SNTB1: variants seen among roughly 807,000 people sequenced by gnomAD.
SNTB1 encodes the protein syntrophin beta 1, also known as beta-1-syntrophin.
Under a neutral mutation model 48.9 loss-of-function variants are expected in SNTB1, and 36 were observed. The observed-to-expected ratio is 0.74, with a 90% confidence interval of 0.56 to 0.97. The LOEUF (loss-of-function observed/expected upper bound fraction) is 0.97, where lower values mean the gene tolerates loss of function less well. SNTB1 is among the 50% of genes least tolerant of loss of function. The pLI is 0.00. For missense variants in SNTB1, 786 were observed against 703.4 expected (o/e 1.12, Z -1.33); for synonymous variants, 299 against 294.6 (o/e 1.01, Z -0.15).
At chr8:120,668,265 C>T (rs968164428) in intron 2 of SNTB1, among the ~76,000 whole-genome samples, 53 of 152,322 alleles carry the variant, frequency 3.5e-4, no homozygotes, top group African/African-American at 1.3e-3. Flanking sequence ...AGGGGCATCT[C>T]ATTTGTTTCC....
rs530543386 is a variant in SNTB1 at position 120,770,980 on chromosome 8, G to A, written c.571+40293C>T. Reference sequence around the variant, plus strand: ...GAAATAATGATCTCAGAATACTATAGCAAGAAGAGTCGCTTTGGATCATCT... The same window carrying A: ...GAAATAATGATCTCAGAATACTATAACAAGAAGAGTCGCTTTGGATCATCT... On this transcript the variant is annotated intron_variant, in intron 1 of 6. Coordinates refer to ENST00000517992, the MANE Select transcript of SNTB1 (RefSeq NM_021021.4). Among the ~76,000 whole-genome samples, 14 of 152,316 alleles carry A rather than the reference G, an allele frequency of 9.2e-5. 1 individual carries two copies. In the South Asian group the frequency reaches 2.9e-3, roughly 32 times the overall value.
rs773969083 is a variant in SNTB1, at chr8:120,811,780, G to A, written c.64C>T (p.Arg22Trp). The part of the protein sequence containing the change: ...PAGAGGGRAQ[R>W]SGLLEVLVRD... ...ACCAAAACTTCCAGCAGCCCGCTCC[G>A]CTGCGCCCGGCCGCCTCCCGCGCCA... The change falls in exon 1 of 7, where the codon CGG (arginine) becomes TGG (tryptophan). Residue 22 changes from arginine to tryptophan, a missense_variant. Coordinates refer to ENST00000517992, the MANE Select transcript of SNTB1 (RefSeq NM_021021.4). The A allele has an allele frequency of 2.7e-6, 4 of 1,477,032 alleles. No homozygotes were observed. The Admixed American group carries it at 9.6e-5, about 35-fold the overall frequency. The allele number at this position is 1,477,032 out of a possible 1,614,324, so 91.5% of individuals were successfully genotyped here.
chr8:120,615,063 A>G (rs1461235666), intron 3 of SNTB1, among the ~76,000 whole-genome samples: 1 of 151,324 alleles, frequency 6.6e-6, no homozygotes, highest in East Asian at 1.9e-4. Flanking sequence ...AGGCAGGGGA[A>G]TCACTTGAGC....
chr8:120,760,852 G>A lies in SNTB1; in HGVS notation c.571+50421C>T, dbSNP rs188779011. ...ACTAAGGGGTGAAAAAAACCCTGAA[G>A]ACCTTGTGAATAATTTTATATAGTA... On this transcript the variant is annotated intron_variant, in intron 1 of 6. Coordinates refer to ENST00000517992, the MANE Select transcript of SNTB1 (RefSeq NM_021021.4). Among the ~76,000 whole-genome samples the A allele has an allele frequency of 3.3e-3, 509 of 151,954 alleles. 1 individual carries two copies. The highest frequency in any genetic ancestry group is 5.4e-3 in the Non-Finnish European group (369 of 67,964).
At chr8:120,593,023 AG>A (rs1405440496) in intron 3 of SNTB1, among the ~76,000 whole-genome samples, 1 of 152,216 alleles carries the variant, frequency 6.6e-6, no homozygotes, top group Non-Finnish European at 1.5e-5. Context: ...GCTGTTAAAA[AG>A]AAAAAGGGAG....
intron 1 of SNTB1, among the ~76,000 whole-genome samples, chr8:120,735,478 G>A (rs925506410): frequency 1.3e-5 from 2 of 152,168 alleles, no homozygotes; most frequent in African/African-American, 4.8e-5. Context: ...CTTTAAAGAG[G>A]TGATTAAGTT....
intron 3 of SNTB1, among the ~76,000 whole-genome samples, chr8:120,606,215 TTATAATATAATATAATTATA>T (rs992593976): frequency 6.8e-6 from 1 of 146,148 alleles, no homozygotes; most frequent in African/African-American, 2.5e-5. Flanking sequence ...TGATATGGAA[TTATAATATAATATAATTATA>T]TATAATATAA....
chr8:120,569,529 TA>T lies in SNTB1; in HGVS notation c.1136+5556del, dbSNP rs1367415378. 2.3e-4 allele frequency among the ~76,000 whole-genome samples: 35 copies of T among 152,338 alleles called. 1 individual carries two copies. Among genetic ancestry groups the T allele is most frequent in the South Asian group, 2.1e-4 (1 of 4,824 alleles). On this transcript the variant is annotated intron_variant, in intron 4 of 6. Coordinates refer to ENST00000517992, the MANE Select transcript of SNTB1 (RefSeq NM_021021.4). ...GCCTTTGCTTTTAAGGAATCACACT[TA>T]GGACTTTCCTGCTTGTGCAGAAGCC... is the stretch of plus-strand genomic sequence containing the variant.
chr8:120,633,576 G>A (rs1200410294), intron 2 of SNTB1, among the ~76,000 whole-genome samples: 2 of 152,108 alleles, frequency 1.3e-5, no homozygotes, highest in Non-Finnish European at 2.9e-5. Flanking sequence ...TTGCACTCCA[G>A]CCTGGGTGAC....
intron 2 of SNTB1, among the ~76,000 whole-genome samples, chr8:120,664,709 G>C (rs1465509826): frequency 6.6e-6 from 1 of 152,178 alleles, no homozygotes; most frequent in Non-Finnish European, 1.5e-5. Flanking sequence ...TTTGGTTATA[G>C]TAATAGCAGC....
At position 120,811,662 on chromosome 8, in the gene SNTB1, C is replaced by T. The variant is rs773782520; in HGVS notation, c.182G>A (p.Gly61Glu). 3.8e-6 allele frequency: 6 copies of T among 1,593,550 alleles called. No individual in the cohort carries two copies. The East Asian group carries it at 9.4e-5, about 25-fold the overall frequency. ...EEGAAAYNGI[G>E]TATNGSFCRG... The stretch of plus-strand genomic sequence containing the variant: ...GCAGAACGAGCCATTGGTGGCGGTC[C>T]CGATGCCGTTGTACGCCGCAGCGCC... Residue 61 changes from glycine to glutamate, a missense_variant, in exon 1 of 7, where the codon GGG (glycine) becomes GAG (glutamate). Transcript: ENST00000517992.
At chr8:120,720,259 C>T (rs1399243178) in intron 1 of SNTB1, among the ~76,000 whole-genome samples, 1 of 152,246 alleles carries the variant, frequency 6.6e-6, no homozygotes, top group Non-Finnish European at 1.5e-5. Flanking sequence ...CTCCAGCTCC[C>T]TCCTTGGCCC....
At chr8:120,559,997 T>C (rs1315787677) in intron 4 of SNTB1, among the ~76,000 whole-genome samples, 3 of 152,014 alleles carry the variant, frequency 2.0e-5, no homozygotes, top group East Asian at 3.9e-4. Flanking sequence ...TCAAATACTT[T>C]CATCCACTGG....
intron 3 of SNTB1, among the ~76,000 whole-genome samples, chr8:120,625,775 C>T (rs922548039): frequency 1.3e-5 from 2 of 152,128 alleles, no homozygotes; most frequent in Non-Finnish European, 2.9e-5. Context: ...GTGTTTTCTA[C>T]CATAACCAAT....
intron 2 of SNTB1, among the ~76,000 whole-genome samples, chr8:120,633,069 A>G (rs781202231): frequency 6.6e-6 from 1 of 152,252 alleles, no homozygotes; most frequent in East Asian, 1.9e-4. Context: ...ATTGAAATAT[A>G]TCTAGCCACA....
At chr8:120,701,880 G>T (rs921827247) in intron 1 of SNTB1, among the ~76,000 whole-genome samples, 4 of 152,166 alleles carry the variant, frequency 2.6e-5, no homozygotes, top group African/African-American at 9.6e-5. Context: ...GTATGAATTT[G>T]TTAAGTAATC....
intron 1 of SNTB1, among the ~76,000 whole-genome samples, chr8:120,744,994 T>C (rs1454084381): frequency 1.3e-5 from 2 of 152,182 alleles, no homozygotes; most frequent in Non-Finnish European, 2.9e-5. Flanking sequence ...CTTGATGTCC[T>C]GAGAGACTGA....
intron 3 of SNTB1, among the ~76,000 whole-genome samples, chr8:120,620,328 G>A (rs910686419): frequency 6.6e-6 from 1 of 152,116 alleles, no homozygotes; most frequent in African/African-American, 2.4e-5. Context: ...TTTGCAGTAG[G>A]TATTAATATC....
chr8:120,812,002 T>C lies in SNTB1; in HGVS notation c.-159A>G. 7 of 1,267,024 alleles carry C rather than the reference T, an allele frequency of 5.5e-6. No individual in the cohort carries two copies. The highest frequency in any genetic ancestry group is 6.9e-6 in the Non-Finnish European group (7 of 1,012,130). 78.5% of individuals were successfully genotyped at this position (1,267,024 alleles called of 1,614,324 possible). A position where few individuals can be genotyped will look rare whatever the true frequency, so the allele number is the denominator to read the frequency against. On this transcript the variant is annotated 5_prime_UTR_variant, in exon 1 of 7. Transcript: ENST00000517992. ...CCGCTCCGGGAGTTCGCAGACGCAC[T>C]CGGCGGGAGTTGGCAGCTGCACTCA...
Sources: gnomAD v4.1 joint callset for allele counts (sites outside exome capture counted in the v4.1 genomes callset) on GRCh38, gnomAD v4.1.1 for gene constraint, MANE v1.5 for transcripts, NCBI Gene and HGNC (gene_info 2026-07-23, HGNC 2026-07-21) for gene names.